SARNP: variants seen among roughly 807,000 people sequenced by gnomAD.
SARNP encodes the protein SAP domain-containing ribonucleoprotein.
In SARNP, 5 loss-of-function variants were observed where a neutral mutation model predicts 38.1. That is an observed-to-expected ratio of 0.13 (90% CI 0.07 to 0.28). The LOEUF (loss-of-function observed/expected upper bound fraction) is 0.28, where lower values mean the gene tolerates loss of function less well. Ranked by LOEUF, SARNP falls within the 10% of genes least tolerant of loss-of-function variation. The pLI, the probability that SARNP is intolerant of heterozygous loss-of-function variation, is 1.00. For synonymous variants in SARNP, 84 were observed against 80.6 expected (o/e 1.04, Z -0.23); for missense variants, 180 against 243.9 (o/e 0.74, Z 1.75).
At position 55,800,588 on chromosome 12, in the gene SARNP, T is replaced by C; in HGVS notation, c.225A>G (p.Glu75=). The C allele has an allele frequency of 6.2e-7, 1 of 1,612,320 alleles. No individual in the cohort carries two copies. The highest frequency in any genetic ancestry group is 1.3e-5 in the African/African-American group (1 of 74,904). Residue 75 remains glutamate (E), a synonymous_variant, in exon 4 of 11, where the codon GAA becomes GAG. Coordinates refer to ENST00000336133, the MANE Select transcript of SARNP (RefSeq NM_033082.4). The part of the protein sequence containing the change: ...TKPIELPVKE[E]EPPEKTVDVA... ...CATCAACAGTTTTTTCAGGGGGTTC[T>C]TCCTCTTTGACAGGGAGCTCAATGG...
At position 55,817,708 on chromosome 12, in the gene SARNP, AC is replaced by A. The variant is rs1880543616; in HGVS notation, c.-8del. The A allele has an allele frequency of 1.2e-6, 2 of 1,612,378 alleles. No individual in the cohort carries two copies. Among genetic ancestry groups the A allele is most frequent in the African/African-American group, 1.3e-5 (1 of 74,892 alleles). ...CCACCGTCTCGGTCGCCATCTTGTT[AC>A]CCCTCACTCCACTAGGCCCCCACCC... On this transcript the variant is annotated 5_prime_UTR_variant, in exon 1 of 11. Coordinates refer to ENST00000336133, the MANE Select transcript of SARNP (RefSeq NM_033082.4).
At chr12:55,767,893 A>G (rs946995414) in intron 9 of SARNP, among the ~76,000 whole-genome samples, 1 of 151,596 alleles carries the variant, frequency 6.6e-6, no homozygotes, top group Non-Finnish European at 1.5e-5. Flanking sequence ...CACACACACA[A>G]ATACAAATAA....
At chr12:55,789,175 T>A (rs751903729) in intron 8 of SARNP, 32 bp from the exon 9 acceptor site, 88 of 1,486,216 alleles carry the variant, frequency 5.9e-5, no homozygotes, top group Non-Finnish European at 7.7e-5. Context: ...AACATAGTTT[T>A]AAAAAATCAA....
chr12:55,790,636 T>C lies in SARNP; in HGVS notation c.407-44A>G, dbSNP rs749344574. 5 of 1,447,872 alleles carry C rather than the reference T, an allele frequency of 3.5e-6. No homozygotes were observed. The South Asian group carries it at 5.6e-5, about 16-fold the overall frequency. The allele number at this position is 1,447,872 out of a possible 1,614,324, so 89.7% of individuals were successfully genotyped here. A position where few individuals can be genotyped will look rare whatever the true frequency, so the allele number is the denominator to read the frequency against. Reference sequence around the variant, plus strand: ...TTTTATTTAATATTTTTAAAAGTCATCAAAGCCAACAGTCTTCAAGTCAAA... The same window carrying C: ...TTTTATTTAATATTTTTAAAAGTCACCAAAGCCAACAGTCTTCAAGTCAAA... On this transcript the variant is annotated intron_variant, in intron 7 of 10. Transcript: ENST00000336133.
intron 7 of SARNP, chr12:55,792,886 T>C (rs1879714792): frequency 6.6e-6 from 1 of 152,186 alleles, no homozygotes; most frequent in African/African-American, 2.4e-5. Context: ...GGTGTCACTT[T>C]GTTTCCCAAG....
At chr12:55,752,981 A>C (rs1878373377), downstream of SARNP, 1 of 152,268 alleles carries the variant, frequency 6.6e-6, no homozygotes, top group Non-Finnish European at 1.5e-5. Flanking sequence ...AATGACTAAG[A>C]AGATGGGGTC....
intron 9 of SARNP, among the ~76,000 whole-genome samples, chr12:55,765,808 A>AG (rs1878812910): frequency 6.6e-6 from 1 of 151,646 alleles, no homozygotes; most frequent in Admixed American, 6.6e-5. Flanking sequence ...AGCACCCCTC[A>AG]GCTCCTCTCT....
chr12:55,796,947 T>C (rs971252432), intron 4 of SARNP, among the ~76,000 whole-genome samples: 14 of 152,172 alleles, frequency 9.2e-5, no homozygotes, highest in Non-Finnish European at 1.0e-4. Context: ...CATGGTAAGC[T>C]AGTGGTCAAA....
chr12:55,811,081 CA>C (rs11324252), intron 1 of SARNP, among the ~76,000 whole-genome samples: 139,827 of 142,716 alleles, frequency 0.98, 68,512 homozygotes, highest in Middle Eastern at 1. Flanking sequence ...GACTCCATCC[CA>C]AAAAAAAAAA....
At chr12:55,784,209 C>G (rs1230940917) in intron 9 of SARNP, among the ~76,000 whole-genome samples, 1 of 152,148 alleles carries the variant, frequency 6.6e-6, no homozygotes, top group Non-Finnish European at 1.5e-5. Flanking sequence ...AAAATCTGTG[C>G]CTAGAGAATT....
chr12:55,772,079 C>T (rs911643720), intron 9 of SARNP, among the ~76,000 whole-genome samples: 1 of 152,140 alleles, frequency 6.6e-6, no homozygotes, highest in East Asian at 1.9e-4. Flanking sequence ...TTATGCCAAC[C>T]AGACGACAGA....
chr12:55,768,409 C>G (rs1878910026), intron 9 of SARNP, among the ~76,000 whole-genome samples: 2 of 151,696 alleles, frequency 1.3e-5, no homozygotes, highest in African/African-American at 4.8e-5. Flanking sequence ...GGATTACAGG[C>G]ATGAGCCACC....
rs1348470125 is a variant in SARNP at position 55,811,604 on chromosome 12, CA to C, written c.36+6061del. Among the ~76,000 whole-genome samples, 547 of 151,938 alleles carry C rather than the reference CA, an allele frequency of 3.6e-3. 3 individuals carry two copies. The highest frequency in any genetic ancestry group is 0.018 in the East Asian group (95 of 5,172). On this transcript the variant is annotated intron_variant, in intron 1 of 10. Coordinates refer to ENST00000336133, the MANE Select transcript of SARNP (RefSeq NM_033082.4). ...ACAAACAAACAAACAAACAAACAAA[CA>C]AACCACAGCTTGTAAATAGTAGACC...
chr12:55,802,375 T>C (rs1261129736), intron 2 of SARNP, among the ~76,000 whole-genome samples: 1 of 151,994 alleles, frequency 6.6e-6, no homozygotes, highest in Non-Finnish European at 1.5e-5. Context: ...TAGTATACTA[T>C]ATCCTACAGG....
chr12:55,800,825 A>G (rs966631103), intron 3 of SARNP, 29 bp downstream of exon 3: 15 of 1,595,190 alleles, frequency 9.4e-6, no homozygotes, highest in Admixed American at 1.7e-5. Flanking sequence ...GCACATTACC[A>G]GAGACTAACC....
In SARNP at chr12:55,813,070, C is replaced by A. The variant is rs560960240; in HGVS notation, c.36+4596G>T. The stretch of plus-strand genomic sequence containing the variant: ...AAGTGATTCTCCTGTCTCAGCCTCC[C>A]GAGTAGCTGGGATTACAAGTGCGCG... On this transcript the variant is annotated intron_variant, in intron 1 of 10. Coordinates refer to ENST00000336133, the MANE Select transcript of SARNP (RefSeq NM_033082.4). Among the ~76,000 whole-genome samples the A allele has an allele frequency of 1.6e-3, 241 of 152,194 alleles. 1 individual carries two copies. The highest frequency in any genetic ancestry group is 5.2e-3 in the African/African-American group (215 of 41,542).
At position 55,757,568 on chromosome 12, in the gene SARNP, CAAGAAGA is replaced by C. The variant is rs779153056; in HGVS notation, c.592-22_592-16del. ...CTCTTCTTTGCCTGTAAAGAAGAAG[CAAGAAGA>C]AAAAAATTAGACTGAAGACAATAGT... is the stretch of plus-strand genomic sequence containing the variant. On this transcript the variant is annotated splice_polypyrimidine_tract_variant and intron_variant, in intron 10 of 10. Coordinates refer to ENST00000336133, the MANE Select transcript of SARNP (RefSeq NM_033082.4). The C allele has an allele frequency of 6.1e-5, 98 of 1,600,674 alleles. 1 individual carries two copies. In the Admixed American group the frequency reaches 1.4e-3, roughly 23 times the overall value.
At chr12:55,754,453 G>A (rs1351583607), downstream of SARNP, 1 of 152,214 alleles carries the variant, frequency 6.6e-6, no homozygotes, top group African/African-American at 2.4e-5. Flanking sequence ...CGTAGAAGCA[G>A]GAAAATCAAT....
intron 8 of SARNP, among the ~76,000 whole-genome samples, chr12:55,790,147 AT>A (rs967022046): frequency 1.3e-5 from 2 of 150,562 alleles, no homozygotes; most frequent in Admixed American, 6.7e-5. Context: ...CTTTACTCTG[AT>A]TTCACATTTC....
Sources: allele counts gnomAD v4.1 joint callset (sites outside exome capture counted in the v4.1 genomes callset), GRCh38; gene constraint gnomAD v4.1.1; transcripts MANE v1.5; gene names NCBI Gene and HGNC (gene_info 2026-07-23, HGNC 2026-07-21).